The following DYSF variants were observed in gnomAD, a reference collection of about 807,000 sequenced individuals.
The protein encoded by DYSF is dystrophy-associated fer-1-like 1.
DYSF carries 212 observed loss-of-function variants against 274.9 expected under a neutral mutation model. The observed-to-expected ratio is 0.77, with a 90% CI of 0.69 to 0.86. The LOEUF (loss-of-function observed/expected upper bound fraction) is 0.86, where lower values mean the gene tolerates loss of function less well. Among genes scored for constraint, DYSF ranks in the 40% least tolerant of loss-of-function variants. The probability of loss-of-function intolerance (pLI) is 0.00; values close to 1 mark genes in which losing one functional copy is unlikely to be tolerated. For synonymous variants in DYSF, 1,091 were observed against 1,078.7 expected, an observed-to-expected ratio of 1.01 and a Z score of -0.22; for missense variants, 2,666 against 2,783.2, an observed-to-expected ratio of 0.96 and a Z score of 0.95.
At chr2:71,604,373 TGTC>T (rs1558594290) in intron 36 of DYSF, among the ~76,000 whole-genome samples, 1 of 151,374 alleles carries the variant, frequency 6.6e-6, no homozygotes, top group African/African-American at 2.5e-5. Flanking sequence ...AGGGTGTTTC[TGTC>T]TTCTTTGCTG....
chr2:71,621,691 A>C (rs2094104775), intron 41 of DYSF, among the ~76,000 whole-genome samples: 1 of 151,718 alleles, frequency 6.6e-6, no homozygotes, highest in Non-Finnish European at 1.5e-5. Flanking sequence ...ATGGAGTCTC[A>C]CTTTGTCGCC....
At chr2:71,605,463 C>T (rs2093629142) in intron 36 of DYSF, among the ~76,000 whole-genome samples, 1 of 152,144 alleles carries the variant, frequency 6.6e-6, no homozygotes, top group Admixed American at 6.5e-5. Context: ...CCCAGGGCCC[C>T]CTAGGATACA....
At chr2:71,668,627 G>A (rs1573089084) in intron 48 of DYSF, 127 bp from the exon 49 acceptor site, 3 of 875,830 alleles carry the variant, frequency 3.4e-6, no homozygotes, top group Admixed American at 2.1e-5. Flanking sequence ...GTTTAGGGCA[G>A]TGAGGCTTTC....
intron 45 of DYSF, among the ~76,000 whole-genome samples, chr2:71,661,068 G>GAT (rs1558757003): frequency 1.5e-5 from 2 of 131,518 alleles, no homozygotes; most frequent in East Asian, 4.7e-4. Context: ...AGTGATCTGT[G>GAT]ATCAAACTAC....
At chr2:71,605,366 G>T (rs776105844) in intron 36 of DYSF, among the ~76,000 whole-genome samples, 1 of 152,220 alleles carries the variant, frequency 6.6e-6, no homozygotes, top group African/African-American at 2.4e-5. Flanking sequence ...GTGCATGCAC[G>T]TGTGAGCATG....
chr2:71,618,453 GGGT>G (rs2093988377), intron 40 of DYSF, among the ~76,000 whole-genome samples: 2 of 6,824 alleles, frequency 2.9e-4, no homozygotes, highest in African/African-American at 4.0e-4. Context: ...GGTAGAGGTG[GGGT>G]TGTGTGTGTG....
chr2:71,473,883 C>A (rs2082209133), intron 1 of DYSF, among the ~76,000 whole-genome samples: 1 of 151,892 alleles, frequency 6.6e-6, no homozygotes, highest in Non-Finnish European at 1.5e-5. Flanking sequence ...CCCTCCCTCA[C>A]CGCCCCTGGT....
At chr2:71,546,615 G>A (rs1398894107) in intron 17 of DYSF, among the ~76,000 whole-genome samples, 2 of 152,242 alleles carry the variant, frequency 1.3e-5, no homozygotes, top group South Asian at 2.1e-4. Context: ...AGGCACGTGA[G>A]CTCTGTGAAA....
intron 15 of DYSF, 56 bp from the exon 16 acceptor site, chr2:71,535,212 G>T: frequency 6.2e-7 from 1 of 1,601,560 alleles, no homozygotes; most frequent in Non-Finnish European, 8.6e-7. Flanking sequence ...GGTAGGGAGG[G>T]GCTGTTCTAT....
At chr2:71,471,508 A>G (rs965661882) in intron 1 of DYSF, among the ~76,000 whole-genome samples, 4 of 152,246 alleles carry the variant, frequency 2.6e-5, no homozygotes, top group African/African-American at 9.6e-5. Flanking sequence ...CAGCCCACAT[A>G]GTAATCATGC....
At chr2:71,536,767 A>G (rs1249060106) in intron 16 of DYSF, among the ~76,000 whole-genome samples, 6 of 152,216 alleles carry the variant, frequency 3.9e-5, no homozygotes, top group African/African-American at 1.4e-4. Context: ...AAGCAACCCC[A>G]AGCCCCAAAA....
Position 71,560,592 on chromosome 2 carries a change from C to A in DYSF, c.2217-1160C>A, listed in dbSNP as rs145822673. ...CCGAGATGGAGTTTGCGTACTGCTC[C>A]CCCCATCCTAAAAATTCAATTAAAA... On this transcript the variant is annotated intron_variant, in intron 22 of 55. Coordinates refer to ENST00000410020, the MANE Select transcript of DYSF (RefSeq NM_001130987.2). Among the ~76,000 whole-genome samples, 636 of 152,250 alleles carry A rather than the reference C, an allele frequency of 4.2e-3. 5 individuals carry two copies. The highest frequency in any genetic ancestry group is 0.015 in the African/African-American group (606 of 41,542).
rs144599077 is a variant in DYSF at position 71,574,267 on chromosome 2, G to C, written c.3298G>C (p.Glu1100Gln). 2 of 1,613,990 alleles carry C rather than the reference G, an allele frequency of 1.2e-6. No individual in the cohort carries two copies. The highest frequency in any genetic ancestry group is 1.7e-6 in the Non-Finnish European group (2 of 1,180,040). ...TCTTTTTGGCTGGAAGTTCCACCTC[G>C]AGTACCGCAAGACAGATGCCTTCCG... The part of the protein sequence containing the change: ...ASLFGWKFHL[E>Q]YRKTDAFRRR... The change falls in exon 30 of 56, where the codon GAG becomes CAG. Residue 1100 changes from glutamate (E) to glutamine (Q), a missense_variant. Transcript: ENST00000410020.
chr2:71,549,494 T>G, intron 17 of DYSF: 1 of 1,166,262 alleles, frequency 8.6e-7, no homozygotes, highest in Non-Finnish European at 1.3e-6. Flanking sequence ...TTGCCTGAGG[T>G]GGGATTGAGA....
chr2:71,650,132 G>T (rs1396162423), intron 42 of DYSF, among the ~76,000 whole-genome samples: 1 of 152,182 alleles, frequency 6.6e-6, no homozygotes, highest in African/African-American at 2.4e-5. Context: ...CACACTGGTT[G>T]GTAGGGGGAG....
chr2:71,551,841 C>G, intron 19 of DYSF, 121 bp downstream of exon 19: 1 of 735,206 alleles, frequency 1.4e-6, no homozygotes. Context: ...ACGCATCGTG[C>G]CTTTACCTCC....
At chr2:71,503,398 AC>A in intron 4 of DYSF, 79 bp downstream of exon 4, 1 of 1,420,894 alleles carries the variant, frequency 7.0e-7, no homozygotes, top group Non-Finnish European at 9.9e-7. Flanking sequence ...TGCCATTCTG[AC>A]CCCAGACATG....
intron 55 of DYSF, among the ~76,000 whole-genome samples, chr2:71,686,131 G>T (rs1194236420): frequency 6.6e-6 from 1 of 152,202 alleles, no homozygotes; most frequent in African/African-American, 2.4e-5. Flanking sequence ...AAATGGGCCT[G>T]GCTTGATGGG....
chr2:71,467,911 C>G (rs1450146364), intron 1 of DYSF, among the ~76,000 whole-genome samples: 1 of 152,174 alleles, frequency 6.6e-6, no homozygotes, highest in Non-Finnish European at 1.5e-5. Context: ...CAAGGGAACT[C>G]TTTTCAGTCT....
Sources: allele counts gnomAD v4.1 joint callset (sites outside exome capture counted in the v4.1 genomes callset), GRCh38; gene constraint gnomAD v4.1.1; transcripts MANE v1.5; gene names NCBI Gene and HGNC (gene_info 2026-07-23, HGNC 2026-07-21).